The following VPS33B variants were observed in gnomAD, a reference collection of about 807,000 sequenced individuals.
VPS33B encodes vacuolar protein sorting-associated protein 33B.
VPS33B carries 80 observed loss-of-function variants against 95.3 expected under a neutral mutation model. The observed-to-expected ratio is 0.84, with a 90% confidence interval of 0.70 to 1.01. The LOEUF (loss-of-function observed/expected upper bound fraction) is 1.01. VPS33B is among the 50% of genes least tolerant of loss of function. VPS33B has a pLI of 0.00. For synonymous variants in VPS33B, 280 were observed against 280.4 expected, an observed-to-expected ratio of 1.00 and a Z score of 0.01; for missense variants, 715 against 773.4, an observed-to-expected ratio of 0.92 and a Z score of 0.90.
rs146888486 is a variant in VPS33B at position 91,007,156 on chromosome 15, G to A, written c.604-110C>T. 520 of 1,210,954 alleles carry A rather than the reference G, an allele frequency of 4.3e-4. 2 individuals are homozygous for A. In the African/African-American group the frequency reaches 6.6e-3, roughly 15 times the overall value. The allele number at this position is 1,210,954 out of a possible 1,614,324, so 75.0% of individuals were successfully genotyped here. A position where few individuals can be genotyped will look rare whatever the true frequency, so the allele number is the denominator to read the frequency against. ...ATACTTCCTCTTGTCCCCGAGACAG[G>A]AGCTAATTATTCACAATATGGCCCT... is the stretch of plus-strand genomic sequence containing the variant. On this transcript the variant is annotated intron_variant, in intron 8 of 22. Coordinates refer to ENST00000333371, the MANE Select transcript of VPS33B (RefSeq NM_018668.5). This position sits in a 1 kb window ranked among gnomAD's most constrained non-coding sequence, Gnocchi z 5.3.
rs1471330839 is a variant in VPS33B, at chr15:91,003,161, T to G, written c.1226-30A>C. The G allele has an allele frequency of 8.1e-6, 13 of 1,613,388 alleles. No individual in the cohort carries two copies. The East Asian group carries it at 2.5e-4, about 30-fold the overall frequency. On this transcript the variant is annotated intron_variant, in intron 16 of 22. Coordinates refer to ENST00000333371, the MANE Select transcript of VPS33B (RefSeq NM_018668.5). Reference sequence around the variant, plus strand: ...GAGTGAAGAAAATAAGACAGGTGCATGAGAAAGAGGCCGGCAGAGGCACCC... The same window carrying G: ...GAGTGAAGAAAATAAGACAGGTGCAGGAGAAAGAGGCCGGCAGAGGCACCC...
chr15:91,000,898 C>T lies in VPS33B; in HGVS notation c.1480-307G>A, dbSNP rs373277902. 4.8e-6 allele frequency: 2 copies of T among 418,752 alleles called. No individual in the cohort carries two copies. The highest frequency in any genetic ancestry group is 1.0e-4 in the East Asian group (2 of 19,182). The allele number at this position is 418,752 out of a possible 1,614,324, so 25.9% of individuals were successfully genotyped here. On this transcript the variant is annotated intron_variant, in intron 19 of 22. Coordinates refer to ENST00000333371, the MANE Select transcript of VPS33B (RefSeq NM_018668.5). The surrounding 1 kb of genome is among the most constrained non-coding windows in gnomAD (Gnocchi z 4.9). Reference sequence around the variant, plus strand: ...TCACTGAAGCAGCACTTAGAATATTCTCTGGCATTGGCAGGTGCTTGTTAC... The same window carrying T: ...TCACTGAAGCAGCACTTAGAATATTTTCTGGCATTGGCAGGTGCTTGTTAC...
At chr15:91,001,882 A>G (rs2040448652) in intron 18 of VPS33B, among the ~76,000 whole-genome samples, 168 bp downstream of exon 18, 1 of 152,218 alleles carries the variant, frequency 6.6e-6, no homozygotes, top group Non-Finnish European at 1.5e-5. Context: ...AGTGTTTACT[A>G]TGTGGAAACT....
In VPS33B at chr15:91,013,822, C is replaced by T; in HGVS notation, c.339G>A (p.Val113=). 1 of 1,614,132 alleles carries T rather than the reference C, an allele frequency of 6.2e-7. No individual in the cohort carries two copies. Among genetic ancestry groups the T allele is most frequent in the Non-Finnish European group, 8.5e-7 (1 of 1,180,022 alleles). ...KLAGRTRKYK[V]IFSPQKFYAC... ...AACTCACCTTTTGAGGGCTGAAGAT[C>T]ACTTTGTATTTGCGAGTTCGGCCAG... The change falls in exon 5 of 23, where the codon GTG becomes GTA. Residue 113 remains valine (V), a synonymous_variant. Coordinates refer to ENST00000333371, the MANE Select transcript of VPS33B (RefSeq NM_018668.5). This position sits in a 1 kb window ranked among gnomAD's most constrained non-coding sequence, Gnocchi z 4.5.
chr15:91,008,171 T>A (rs1567223988), intron 6 of VPS33B, among the ~76,000 whole-genome samples: 1 of 152,208 alleles, frequency 6.6e-6, no homozygotes. Flanking sequence ...GGAAAGGAGA[T>A]GTGTCCACAG....
intron 5 of VPS33B, among the ~76,000 whole-genome samples, chr15:91,012,319 A>G (rs1157387932): frequency 1.3e-5 from 2 of 152,218 alleles, no homozygotes; most frequent in Non-Finnish European, 2.9e-5. Context: ...TTCCTTTTAC[A>G]GAAGGAGAAA....
intron 1 of VPS33B, 121 bp downstream of exon 1, chr15:91,022,033 G>A (rs2041117591): frequency 8.7e-7 from 1 of 1,149,252 alleles, no homozygotes; most frequent in African/African-American, 1.5e-5. Flanking sequence ...GACCTGCTGG[G>A]GAAGCGCCAA....
Position 91,002,111 on chromosome 15 carries a change from G to A in VPS33B, c.1344C>T (p.Pro448=), listed in dbSNP as rs1220689066. The A allele has an allele frequency of 6.2e-6, 10 of 1,614,004 alleles. No homozygotes were observed. Among genetic ancestry groups the A allele is most frequent in the Non-Finnish European group, 6.8e-6 (8 of 1,180,010 alleles). The change falls in exon 18 of 23, where the codon CCC becomes CCT. Residue 448 remains proline (P), a synonymous_variant. Coordinates refer to ENST00000333371, the MANE Select transcript of VPS33B (RefSeq NM_018668.5). This position sits in a 1 kb window ranked among gnomAD's most constrained non-coding sequence, Gnocchi z 4.7. The stretch of plus-strand genomic sequence containing the variant: ...TCTCCACGGCTGTGAGGGTGTCCCC[G>A]GGGGCCTGCTCCGTTAGGAGCCCAG... The part of the protein sequence containing the change: ...RRAGLLTEQA[P]GDTLTAVESK...
At chr15:91,017,961 A>G in intron 1 of VPS33B, 76 bp from the exon 2 acceptor site, 1 of 1,361,932 alleles carries the variant, frequency 7.3e-7, no homozygotes, top group Non-Finnish European at 1.0e-6. Flanking sequence ...CCAGCCACCC[A>G]TCTAACAGAA....
rs1335623760 is a variant in VPS33B, at chr15:90,999,057, A to G, written c.1775-3T>C. The G allele has an allele frequency of 6.2e-7, 1 of 1,614,066 alleles. No individual in the cohort carries two copies. Among genetic ancestry groups the G allele is most frequent in the Non-Finnish European group, 8.5e-7 (1 of 1,179,980 alleles). On this transcript the variant is annotated splice_region_variant and splice_polypyrimidine_tract_variant and intron_variant, in intron 22 of 22. Transcript: ENST00000333371. The surrounding 1 kb of genome is among the most constrained non-coding windows in gnomAD (Gnocchi z 5.1). ...CGTCAGGAAAATGAACCTGTAGCCT[A>G]AGGAGTCAAATGCAGCAGCAGAAGA...
chr15:91,022,499 C>T lies in VPS33B; in HGVS notation c.-250G>A. ...GTGTCTCGACCCTCCCTCCCTGATCCACTCTGCCCGTCAGCAGGATTCCGG... is the reference window on the plus strand; with the variant it reads ...GTGTCTCGACCCTCCCTCCCTGATCTACTCTGCCCGTCAGCAGGATTCCGG... On this transcript the variant is annotated 5_prime_UTR_variant, in exon 1 of 23. Transcript: ENST00000333371. The T allele has an allele frequency of 2.5e-6, 1 of 397,690 alleles. No homozygotes were observed. Among genetic ancestry groups the T allele is most frequent in the Non-Finnish European group, 4.6e-6 (1 of 219,376 alleles). 24.6% of individuals were successfully genotyped at this position (397,690 alleles called of 1,614,324 possible).
intron 2 of VPS33B, among the ~76,000 whole-genome samples, chr15:91,017,354 C>G (rs1446840625): frequency 1.8e-5 from 1 of 54,074 alleles, no homozygotes; most frequent in Admixed American, 3.3e-4. Flanking sequence ...AAGACTCCAT[C>G]TCTACAAAAT....
Position 91,000,027 on chromosome 15 carries a change from G to C in VPS33B, c.1582-52C>G. On this transcript the variant is annotated intron_variant, in intron 20 of 22. Transcript: ENST00000333371. The surrounding 1 kb of genome is among the most constrained non-coding windows in gnomAD (Gnocchi z 4.9). ...AGGCTACAGACAGTATCAGGCTTAGGAAAGGAAGGGCACAGCAGCCAGACT... is the reference window on the plus strand; with the variant it reads ...AGGCTACAGACAGTATCAGGCTTAGCAAAGGAAGGGCACAGCAGCCAGACT... The C allele has an allele frequency of 6.2e-7, 1 of 1,605,952 alleles. No homozygotes were observed. Among genetic ancestry groups the C allele is most frequent in the Non-Finnish European group, 8.5e-7 (1 of 1,174,374 alleles).
In VPS33B at chr15:91,005,482, T is replaced by C. The variant is rs2040575019; in HGVS notation, c.1031-28A>G. 6.2e-7 allele frequency: 1 copy of C among 1,613,554 alleles called. No individual in the cohort carries two copies. The highest frequency in any genetic ancestry group is 8.5e-7 in the Non-Finnish European group (1 of 1,179,706). ...GCAGGTTGGACAAAGGGAGCTGACA[T>C]ACTCCTGGTTCTAGAAAGATGTCCC... On this transcript the variant is annotated intron_variant, in intron 13 of 22. Coordinates refer to ENST00000333371, the MANE Select transcript of VPS33B (RefSeq NM_018668.5). This position sits in a 1 kb window ranked among gnomAD's most constrained non-coding sequence, Gnocchi z 6.4.
chr15:91,014,457 A>AG (rs1231723437), intron 3 of VPS33B, 24 bp from the exon 4 acceptor site: 1 of 1,613,354 alleles, frequency 6.2e-7, no homozygotes, highest in Non-Finnish European at 8.5e-7. Flanking sequence ...AGAAAAAAAA[A>AG]CAGTGAAGAA....
In VPS33B at chr15:91,000,497, A is replaced by G. The variant is rs2151663278; in HGVS notation, c.1574T>C (p.Ile525Thr). ...GAYVPLSCRI[I>T]EQVLERRSWQ... is the part of the protein sequence containing the mutation. Reference sequence around the variant, plus strand: ...AGAATTACATGCTCTCACCTGCTCAATGATTCGGCAGCTCAGGGGCACATA... The same window carrying G: ...AGAATTACATGCTCTCACCTGCTCAGTGATTCGGCAGCTCAGGGGCACATA... Residue 525 changes from isoleucine to threonine, a missense_variant, in exon 20 of 23, where the codon ATT becomes ACT. Ile to Thr is a moderately conservative substitution (Grantham distance 89). Transcript: ENST00000333371. This position sits in a 1 kb window ranked among gnomAD's most constrained non-coding sequence, Gnocchi z 4.9. The G allele has an allele frequency of 6.2e-7, 1 of 1,613,096 alleles. No individual in the cohort carries two copies. The highest frequency in any genetic ancestry group is 1.7e-4 in the Middle Eastern group (1 of 6,058).
rs530269865 is a variant in VPS33B at position 91,000,296 on chromosome 15, C to T, written c.1581+194G>A. On this transcript the variant is annotated intron_variant, in intron 20 of 22. Coordinates refer to ENST00000333371, the MANE Select transcript of VPS33B (RefSeq NM_018668.5). This position sits in a 1 kb window ranked among gnomAD's most constrained non-coding sequence, Gnocchi z 4.9. ...CCTGTAGTCCCAGCTACTTCGGAAGCTGAGGCAGGAGAATCACTTGAATCT... is the reference window on the plus strand; with the variant it reads ...CCTGTAGTCCCAGCTACTTCGGAAGTTGAGGCAGGAGAATCACTTGAATCT... 3.3e-5 allele frequency among the ~76,000 whole-genome samples: 5 copies of T among 152,230 alleles called. No homozygotes were observed. The highest frequency in any genetic ancestry group is 9.6e-5 in the African/African-American group (4 of 41,526).
rs2040622485 is a variant in VPS33B at position 91,006,846 on chromosome 15, G to C, written c.700+104C>G. 6.3e-7 allele frequency: 1 copy of C among 1,588,938 alleles called. No individual in the cohort carries two copies. The highest frequency in any genetic ancestry group is 1.7e-5 in the Admixed American group (1 of 59,802). On this transcript the variant is annotated intron_variant, in intron 9 of 22. Coordinates refer to ENST00000333371, the MANE Select transcript of VPS33B (RefSeq NM_018668.5). This position sits in a 1 kb window ranked among gnomAD's most constrained non-coding sequence, Gnocchi z 5.4. ...CAAGGACCCACGCTCCTCAAAGCTG[G>C]GATTCACAGCCCTAACTTTAGGATT...
chr15:91,007,768 A>G lies in VPS33B; in HGVS notation c.498+102T>C. On this transcript the variant is annotated intron_variant, in intron 7 of 22. Transcript: ENST00000333371. This position sits in a 1 kb window ranked among gnomAD's most constrained non-coding sequence, Gnocchi z 5.3. ...ACCACATCACTATCACTTGTGATAA[A>G]TTACTTGCGTTGGACAAAGGTTATA... The G allele has an allele frequency of 7.9e-7, 1 of 1,264,284 alleles. No homozygotes were observed. The highest frequency in any genetic ancestry group is 1.2e-6 in the Non-Finnish European group (1 of 865,266). 78.3% of individuals were successfully genotyped at this position (1,264,284 alleles called of 1,614,324 possible). A position where few individuals can be genotyped will look rare whatever the true frequency, so the allele number is the denominator to read the frequency against.
Sources: allele counts gnomAD v4.1 joint callset (sites outside exome capture counted in the v4.1 genomes callset), GRCh38; gene constraint gnomAD v4.1.1; non-coding constraint Gnocchi (gnomAD v3.1); transcripts MANE v1.5; gene names NCBI Gene and HGNC (gene_info 2026-07-23, HGNC 2026-07-21).